Variants in TUBB8B observed in about 807,000 individuals in gnomAD.
TUBB8B encodes tubulin beta 8B.
Under a neutral mutation model 31.9 loss-of-function variants are expected in TUBB8B, and 26 were observed. The observed-to-expected ratio is 0.81, with a 90% CI of 0.60 to 1.13. The LOEUF is 1.13. Ranked by LOEUF, TUBB8B falls within the 50% of genes most tolerant of loss-of-function variation. The pLI is 0.00. For synonymous variants in TUBB8B, 173 were observed against 231.0 expected (o/e 0.75, Z 2.28); for missense variants, 467 against 586.7 (o/e 0.80, Z 2.11).
Position 47,252 on chromosome 18 carries a change from A to G in TUBB8B, c.*138T>C. 1 of 561,038 alleles carries G rather than the reference A, an allele frequency of 1.8e-6. No individual in the cohort carries two copies. The highest frequency in any genetic ancestry group is 2.8e-5 in the East Asian group (1 of 35,234). The allele number at this position is 561,038 out of a possible 1,614,324, so 34.8% of individuals were successfully genotyped here. On this transcript the variant is annotated 3_prime_UTR_variant, in exon 4 of 4. Coordinates refer to ENST00000308911, the MANE Select transcript of TUBB8B (RefSeq NM_001358689.2). The stretch of plus-strand genomic sequence containing the variant: ...CTGTGAGAATACTTTATTAGTCAAA[A>G]CCGCATACTATAAAAATGCTTTAAA...
At chr18:56,465 C>T in the TUBB8B span, among the ~76,000 whole-genome samples, 2 of 151,746 alleles carry the variant, frequency 1.3e-5, no homozygotes, top group South Asian at 2.1e-4. Flanking sequence ...ATAGAAATAA[C>T]TTTCCATTTT....
chr18:62,686 G>A, the TUBB8B span, among the ~76,000 whole-genome samples: 1 of 151,800 alleles, frequency 6.6e-6, no homozygotes, highest in African/African-American at 2.4e-5. Flanking sequence ...CTCCCAAAGT[G>A]CTGGGATTAC....
At chr18:71,085 G>A in the TUBB8B span, among the ~76,000 whole-genome samples, 3 of 151,362 alleles carry the variant, frequency 2.0e-5, no homozygotes, top group Admixed American at 2.0e-4. Context: ...GCTTAAATTA[G>A]CAGTGCATGG....
At chr18:60,674 G>A in the TUBB8B span, among the ~76,000 whole-genome samples, 3 of 151,464 alleles carry the variant, frequency 2.0e-5, no homozygotes, top group South Asian at 6.2e-4. Flanking sequence ...ATTATTGTTT[G>A]TTTCAAGAAA....
At chr18:58,982 G>A in the TUBB8B span, among the ~76,000 whole-genome samples, 1 of 151,614 alleles carries the variant, frequency 6.6e-6, no homozygotes, top group Non-Finnish European at 1.5e-5. Context: ...AAACAGAGGG[G>A]CAAGTTGTTA....
chr18:53,456 TTTTA>T (rs1314312247), upstream of TUBB8B, among the ~76,000 whole-genome samples: 5 of 151,776 alleles, frequency 3.3e-5, no homozygotes, highest in Non-Finnish European at 7.4e-5. Context: ...ACAATGAGAT[TTTTA>T]TTTATTAATT....
the TUBB8B span, among the ~76,000 whole-genome samples, chr18:72,099 A>T: frequency 1.3e-5 from 2 of 149,060 alleles, no homozygotes; most frequent in South Asian, 4.3e-4. Flanking sequence ...CATTGCTTCA[A>T]CCTGGGAGGT....
At chr18:51,410 G>C (rs1906099851), upstream of TUBB8B, among the ~76,000 whole-genome samples, 1 of 151,936 alleles carries the variant, frequency 6.6e-6, no homozygotes, top group African/African-American at 2.4e-5. Flanking sequence ...TCTCGTGACA[G>C]TGAATAAGCC....
At position 47,756 on chromosome 18, in the gene TUBB8B, C is replaced by T. The variant is rs567155504; in HGVS notation, c.969G>A (p.Met323Ile). 160 of 1,611,332 alleles carry T rather than the reference C, an allele frequency of 9.9e-5. No homozygotes were observed. The African/African-American group carries it at 2.0e-3, about 20-fold the overall frequency. Residue 323 changes from methionine to isoleucine, a missense_variant, in exon 4 of 4, where the codon ATG becomes ATA. By Grantham distance (10) the Met-to-Ile change is conservative. Transcript: ENST00000308911. ...VAAIFRGRMPMREVDEQMFNI... is the reference protein window; with the variant it reads ...VAAIFRGRMPIREVDEQMFNI... ...TGAACATTTGTTCATCCACCTCCCT[C>T]ATGGGCATGCGACCCCTGAAAATGG...
At chr18:64,907 T>G in the TUBB8B span, among the ~76,000 whole-genome samples, 1 of 152,110 alleles carries the variant, frequency 6.6e-6, no homozygotes, top group Non-Finnish European at 1.5e-5. Flanking sequence ...AACCAACCCA[T>G]ACCCAATCCC....
At chr18:60,217 T>C in the TUBB8B span, among the ~76,000 whole-genome samples, 1 of 151,828 alleles carries the variant, frequency 6.6e-6, no homozygotes, top group South Asian at 2.1e-4. Context: ...TCTTGGTAAG[T>C]TGAGTGTGTC....
At chr18:66,580 T>A in the TUBB8B span, among the ~76,000 whole-genome samples, 1 of 152,146 alleles carries the variant, frequency 6.6e-6, no homozygotes, top group African/African-American at 2.4e-5. Context: ...CAATTGCTCA[T>A]AGAAATATGG....
In TUBB8B at chr18:48,075, A is replaced by C. The variant is rs538410980; in HGVS notation, c.650T>G (p.Leu217Arg). 78 of 1,613,804 alleles carry C rather than the reference A, an allele frequency of 4.8e-5. No individual in the cohort carries two copies. In the African/African-American group the frequency reaches 9.3e-4, roughly 19 times the overall value. ...LYDICSRTLK[L>R]PTPTYGDLNH... ...CAGGTCACCATAGGTGGGTGTGGGC[A>C]GTTTTAGGGTCCTGGAACATATGTC... is the stretch of plus-strand genomic sequence containing the variant. The change falls in exon 4 of 4, where the codon CTG becomes CGG. Residue 217 changes from leucine (L) to arginine (R), a missense_variant. Coordinates refer to ENST00000308911, the MANE Select transcript of TUBB8B (RefSeq NM_001358689.2).
At chr18:49,724 C>A (rs545585357), upstream of TUBB8B, 225 of 695,952 alleles carry the variant, frequency 3.2e-4, 5 homozygotes, top group South Asian at 3.3e-3. Flanking sequence ...CAGGTGCACC[C>A]ACCTGTGAAT....
chr18:52,734 T>A (rs1906160200), upstream of TUBB8B, among the ~76,000 whole-genome samples: 1 of 151,852 alleles, frequency 6.6e-6, no homozygotes, highest in African/African-American at 2.4e-5. Context: ...TTCTTAGATC[T>A]TGTGCAGGAA....
At chr18:50,121 A>C, upstream of TUBB8B, 2 of 352,496 alleles carry the variant, frequency 5.7e-6, no homozygotes, top group South Asian at 4.3e-5. Flanking sequence ...AGTCTTCTGT[A>C]GAGTAGGATT....
In TUBB8B at chr18:47,582, G is replaced by GACAC. The variant is rs757608822; in HGVS notation, c.1139_1142dup (p.Ser382CysfsTer25). The GACAC allele has an allele frequency of 1.6e-6, 2 of 1,278,898 alleles. No homozygotes were observed. The highest frequency in any genetic ancestry group is 2.1e-6 in the Non-Finnish European group (2 of 961,286). 79.2% of individuals were successfully genotyped at this position (1,278,898 alleles called of 1,614,324 possible). A position where few individuals can be genotyped will look rare whatever the true frequency, so the allele number is the denominator to read the frequency against. ...TGAACATTGCTGTAAACTGCTCTGA[G>GACAC]ACACATGTGAAGAGTTCCTGGATGG... On this transcript the variant is annotated frameshift_variant, in exon 4 of 4. Transcript: ENST00000308911. LOFTEE classifies it high-confidence loss of function.
At chr18:65,196 G>A in the TUBB8B span, among the ~76,000 whole-genome samples, 8 of 152,114 alleles carry the variant, frequency 5.3e-5, no homozygotes, top group East Asian at 1.6e-3. Context: ...AGCTACTCAG[G>A]TGGCTGAGGC....
chr18:49,625 C>G, upstream of TUBB8B: 4 of 745,828 alleles, frequency 5.4e-6, 1 homozygote, highest in Non-Finnish European at 9.5e-6. Context: ...CGACCCAGCC[C>G]GCCCTCCGCT....
Sources: allele counts gnomAD v4.1 joint callset (sites outside exome capture counted in the v4.1 genomes callset), GRCh38; gene constraint gnomAD v4.1.1; transcripts MANE v1.5; gene names NCBI Gene and HGNC (gene_info 2026-07-23, HGNC 2026-07-21).